DNAH10: variants seen among roughly 807,000 people sequenced by gnomAD.
DNAH10 encodes dynein axonemal heavy chain 10.
A neutral mutation model predicts 506.6 loss-of-function variants in DNAH10; 348 were observed. The ratio of observed to expected loss-of-function variants is 0.69; its 90% CI spans 0.63 to 0.75. The LOEUF (loss-of-function observed/expected upper bound fraction) is 0.75. Ranked by LOEUF, DNAH10 falls within the 30% of genes least tolerant of loss-of-function variation. The pLI is 0.00. For missense variants in DNAH10, 5,179 were observed against 5,787.1 expected (o/e 0.89, Z 3.41); for synonymous variants, 2,059 against 2,198.6 (o/e 0.94, Z 1.78).
At chr12:123,821,664 A>C (rs1041913944) in intron 24 of DNAH10, among the ~76,000 whole-genome samples, 1 of 151,462 alleles carries the variant, frequency 6.6e-6, no homozygotes, top group African/African-American at 2.5e-5. Flanking sequence ...GATTAAAATG[A>C]CAATTTTTTT....
intron 2 of DNAH10, among the ~76,000 whole-genome samples, chr12:123,771,145 T>G (rs1021735314): frequency 6.6e-6 from 1 of 152,228 alleles, no homozygotes; most frequent in South Asian, 2.1e-4. Context: ...AATTTTTGTA[T>G]TTTTAGTAGA....
chr12:123,918,796 C>G lies in DNAH10; in HGVS notation c.11353C>G (p.Leu3785Val). The change falls in exon 65 of 79, where the codon CTG (leucine) becomes GTG (valine). Residue 3785 changes from leucine (L) to valine (V), a missense_variant. Leu to Val is a conservative substitution (Grantham distance 32). Around this residue, in one of 3 missense-constraint regions of DNAH10, gnomAD observed 4,844 missense variants for 5,430.5 expected, o/e 0.89. Coordinates refer to ENST00000673944, the MANE Select transcript of DNAH10 (RefSeq NM_001372106.1). ...ILFFVLSEMA[L>V]VNSMYQYSLI... ...GTTCTTCGTCCTGTCTGAGATGGCC[C>G]TGGTGAACTCCATGTACCAGTACTC... 2 of 1,613,866 alleles carry G rather than the reference C, an allele frequency of 1.2e-6. No individual in the cohort carries two copies. The highest frequency in any genetic ancestry group is 1.7e-6 in the Non-Finnish European group (2 of 1,179,792).
In DNAH10 at chr12:123,861,166, C is replaced by A. The variant is rs758993112; in HGVS notation, c.6904C>A (p.Arg2302=). The A allele has an allele frequency of 3.7e-6, 6 of 1,613,468 alleles. No homozygotes were observed. The highest frequency in any genetic ancestry group is 5.1e-6 in the Non-Finnish European group (6 of 1,179,808). The change falls in exon 39 of 79, where the codon CGA becomes AGA. Residue 2302 remains arginine, a synonymous_variant. Coordinates refer to ENST00000673944, the MANE Select transcript of DNAH10 (RefSeq NM_001372106.1). ...CAACAAGCCAACAGACAAGAAGGAG[C>A]GAAAGTGAGTATCTTTGTAGGTAGG... ...EINKPTDKKE[R]KYILFDGDVD...
chr12:123,798,685 T>A (rs1280038482), intron 13 of DNAH10, among the ~76,000 whole-genome samples: 1 of 148,720 alleles, frequency 6.7e-6, no homozygotes, highest in Admixed American at 6.7e-5. Context: ...CTAATACTAT[T>A]TTATATTATA....
chr12:123,789,806 A>T (rs1958010539), intron 10 of DNAH10, 121 bp from the exon 11 acceptor site: 1 of 881,822 alleles, frequency 1.1e-6, no homozygotes, highest in Admixed American at 2.5e-5. Context: ...GTCCGGGAGG[A>T]GGTTACTGTG....
chr12:123,842,903 A>G (rs904887908), intron 30 of DNAH10, among the ~76,000 whole-genome samples: 2 of 152,222 alleles, frequency 1.3e-5, no homozygotes, highest in Admixed American at 6.5e-5. Flanking sequence ...ATATTTCTTC[A>G]ACCCCTGCTC....
At chr12:123,811,872 C>T (rs188128732) in intron 19 of DNAH10, among the ~76,000 whole-genome samples, 167 of 150,438 alleles carry the variant, frequency 1.1e-3, no homozygotes, top group African/African-American at 3.7e-3. Context: ...CTCTTGATGT[C>T]GTGATCTGCC....
intron 26 of DNAH10, among the ~76,000 whole-genome samples, chr12:123,831,704 A>G (rs1243643650): frequency 6.6e-6 from 1 of 152,128 alleles, no homozygotes; most frequent in Admixed American, 6.5e-5. Context: ...CATCCTGGCT[A>G]ACACGGTGAA....
rs764616925 is a variant in DNAH10, at chr12:123,841,511, G to A, written c.5326G>A (p.Glu1776Lys). The A allele has an allele frequency of 2.8e-5, 45 of 1,613,874 alleles. No individual in the cohort carries two copies. The highest frequency in any genetic ancestry group is 3.6e-5 in the Non-Finnish European group (43 of 1,179,900). The change falls in exon 30 of 79, where the codon GAG (glutamate) becomes AAG (lysine). Residue 1776 changes from glutamate to lysine, a missense_variant. Around this residue, in one of 3 missense-constraint regions of DNAH10, gnomAD observed 4,844 missense variants for 5,430.5 expected, o/e 0.89. Transcript: ENST00000673944. ...AAGAACTAATAGACTAATTACCAAA[G>A]AGGCTATTTTTAGATACTGTGAAGA... ...MRRTNRLITK[E>K]AIFRYCEDRS...
rs1958185543 is a variant in DNAH10, at chr12:123,794,060, A to G, written c.1934A>G (p.Asn645Ser). ...CACATTCGTTCACGGGAGGCTGTTA[A>G]TCGACAAATGATGATGAAATTTAAT... ...FKHIRSREAV[N>S]RQMMMKFNDI... Residue 645 changes from asparagine (N) to serine (S), a missense_variant, in exon 12 of 79, where the codon AAT becomes AGT. Physicochemically the swap from Asn to Ser is conservative, Grantham distance 46. This residue lies in a region of DNAH10 where 4,844 missense variants were observed against 5,430.5 expected (regional missense o/e 0.89). Transcript: ENST00000673944. The G allele has an allele frequency of 7.8e-7, 1 of 1,284,722 alleles. No homozygotes were observed. Among genetic ancestry groups the G allele is most frequent in the Non-Finnish European group, 1.0e-6 (1 of 986,024 alleles). The allele number at this position is 1,284,722 out of a possible 1,614,324, so 79.6% of individuals were successfully genotyped here.
At chr12:123,862,588 C>T (rs986362315) in intron 39 of DNAH10, among the ~76,000 whole-genome samples, 1 of 151,856 alleles carries the variant, frequency 6.6e-6, no homozygotes, top group Admixed American at 6.6e-5. Flanking sequence ...ACAGAGTCTC[C>T]CTGTACTGCC....
intron 47 of DNAH10, among the ~76,000 whole-genome samples, chr12:123,876,138 G>A (rs2137017463): frequency 6.6e-6 from 1 of 152,170 alleles, no homozygotes; most frequent in East Asian, 1.9e-4. Context: ...GGGGCCAGGT[G>A]GGTAAGATAA....
At chr12:123,800,462 T>C (rs1958442481) in intron 15 of DNAH10, 74 bp downstream of exon 15, 2 of 1,334,678 alleles carry the variant, frequency 1.5e-6, no homozygotes, top group Admixed American at 4.6e-5. Flanking sequence ...TAAAAATTAT[T>C]GAGGACCCCT....
chr12:123,801,608 A>C (rs1250641326), intron 16 of DNAH10, among the ~76,000 whole-genome samples, 176 bp downstream of exon 16: 2 of 152,198 alleles, frequency 1.3e-5, no homozygotes, highest in Non-Finnish European at 2.9e-5. Context: ...CGTTGGGATG[A>C]AGATAAGAGG....
At chr12:123,871,700 G>A (rs1161874403) in intron 45 of DNAH10, 98 bp downstream of exon 45, 12 of 1,406,676 alleles carry the variant, frequency 8.5e-6, no homozygotes, top group East Asian at 7.5e-5. Context: ...CACAGTTTCC[G>A]TGGGTCGAGA....
intron 72 of DNAH10, 88 bp from the exon 73 acceptor site, chr12:123,930,314 A>G: frequency 1.5e-6 from 2 of 1,318,624 alleles, no homozygotes; most frequent in Non-Finnish European, 1.0e-6. Flanking sequence ...GAGTCTCTTG[A>G]CCCTGGGTGA....
chr12:123,875,439 C>A lies in DNAH10; in HGVS notation c.8147C>A (p.Ser2716Ter). 2 of 1,614,046 alleles carry A rather than the reference C, an allele frequency of 1.2e-6. No individual in the cohort carries two copies. Among genetic ancestry groups the A allele is most frequent in the Non-Finnish European group, 1.7e-6 (2 of 1,179,906 alleles). ...LFSVFNVPFP[S>*]EESLHLIYSS... ...AGTGTCTTCAATGTGCCATTTCCTT[C>A]AGAGGAGTCTCTGCATTTAATTTAT... is the stretch of plus-strand genomic sequence containing the variant. Residue 2716 changes from serine (S) to a stop codon, truncating the protein, a stop_gained, in exon 47 of 79, where the codon TCA becomes TAA. Coordinates refer to ENST00000673944, the MANE Select transcript of DNAH10 (RefSeq NM_001372106.1). LOFTEE classifies it high-confidence loss of function.
intron 30 of DNAH10, 80 bp from the exon 31 acceptor site, chr12:123,845,520 A>G: frequency 6.5e-7 from 1 of 1,545,312 alleles, no homozygotes; most frequent in Non-Finnish European, 8.7e-7. Flanking sequence ...CAGATCAAAG[A>G]AATAAATTCC....
rs200729045 is a variant in DNAH10, at chr12:123,898,765, C to T, written c.9591C>T (p.Ser3197=). 3.9e-3 allele frequency: 6,342 copies of T among 1,612,478 alleles called. 28 individuals are homozygous for T. The highest frequency in any genetic ancestry group is 4.5e-3 in the Non-Finnish European group (5,332 of 1,179,468). Residue 3197 remains serine (S), a synonymous_variant, in exon 56 of 79, where the codon TCC becomes TCT. Coordinates refer to ENST00000673944, the MANE Select transcript of DNAH10 (RefSeq NM_001372106.1). The stretch of plus-strand genomic sequence containing the variant: ...AGAAGATCGTGCTGGCGGAGAAGTC[C>T]GCCGCCTGCGAGGCCTTGCTGGAGG... The part of the protein sequence containing the change: ...AEQKIVLAEK[S]AACEALLEEI...
Sources: gnomAD v4.1 joint callset for allele counts (sites outside exome capture counted in the v4.1 genomes callset) on GRCh38, gnomAD v4.1.1 for gene constraint, gnomAD v4.1.1 regional missense constraint, MANE v1.5 for transcripts, NCBI Gene and HGNC (gene_info 2026-07-23, HGNC 2026-07-21) for gene names.